GCHFR: variants seen among roughly 807,000 people sequenced by gnomAD.
GCHFR encodes GTP cyclohydrolase I feedback regulator.
Under a neutral mutation model 10.6 loss-of-function variants are expected in GCHFR, and 12 were observed. The ratio of observed to expected loss-of-function variants is 1.13; its 90% CI spans 0.72 to 1.83. The LOEUF is 1.83. Ranked by LOEUF, GCHFR falls within the 40% of genes most tolerant of loss-of-function variation. The probability of loss-of-function intolerance (pLI) is 0.00; values close to 1 mark genes in which losing one functional copy is unlikely to be tolerated. For synonymous variants in GCHFR, 54 were observed against 43.7 expected (o/e 1.24, Z -0.93); for missense variants, 116 against 110.6 (o/e 1.05, Z -0.22).
intron 1 of GCHFR, chr15:40,764,659 C>G (rs1888909792): frequency 6.1e-6 from 1 of 163,990 alleles, no homozygotes; most frequent in Non-Finnish European, 1.3e-5. Context: ...GGTGCCAAGT[C>G]CTTGACCCAT....
chr15:40,764,304 C>T (rs1368373850), intron 1 of GCHFR, 88 bp downstream of exon 1: 2 of 1,237,414 alleles, frequency 1.6e-6, no homozygotes, highest in African/African-American at 1.6e-5. Flanking sequence ...CTGGGCTGCA[C>T]CCACCGGGGA....
chr15:40,767,175 A>C, intron 2 of GCHFR, 51 bp from the exon 3 acceptor site: 1 of 1,444,606 alleles, frequency 6.9e-7, no homozygotes, highest in Non-Finnish European at 9.1e-7. Context: ...GCTTTGTACC[A>C]GGAGCTTGCT....
rs200059682 is a variant in GCHFR at position 40,767,208 on chromosome 15, C to A, written c.132-18C>A. On this transcript the variant is annotated intron_variant, in intron 2 of 2. Transcript: ENST00000260447. ...GCTGTGTGCCCCTCCTCACCCCCCC[C>A]ATCCTGTCTCTTTGCAGTTATGAAT... 2.1e-5 allele frequency: 32 copies of A among 1,488,774 alleles called. No homozygotes were observed. The highest frequency in any genetic ancestry group is 2.4e-5 in the Non-Finnish European group (27 of 1,116,896). The allele number at this position is 1,488,774 out of a possible 1,614,324, so 92.2% of individuals were successfully genotyped here. A position where few individuals can be genotyped will look rare whatever the true frequency, so the allele number is the denominator to read the frequency against.
rs1888903740 is a variant in GCHFR, at chr15:40,764,418, A to C, written c.36+202A>C. The C allele has an allele frequency of 1.4e-5, 7 of 506,928 alleles. No homozygotes were observed. The South Asian group carries it at 1.9e-4, about 14-fold the overall frequency. The allele number at this position is 506,928 out of a possible 1,614,324, so 31.4% of individuals were successfully genotyped here. On this transcript the variant is annotated intron_variant, in intron 1 of 2. Coordinates refer to ENST00000260447, the MANE Select transcript of GCHFR (RefSeq NM_005258.3). ...GACTCAGCGAGCTCTGGCCGGCCTGAAGCCTTTATTGCCGCGAAGGGGCCC... is the reference window on the plus strand; with the variant it reads ...GACTCAGCGAGCTCTGGCCGGCCTGCAGCCTTTATTGCCGCGAAGGGGCCC...
rs984321458 is a variant in GCHFR at position 40,767,566 on chromosome 15, C to T, written c.*217C>T. 9.7e-6 allele frequency: 6 copies of T among 618,116 alleles called. No individual in the cohort carries two copies. The highest frequency in any genetic ancestry group is 1.6e-5 in the Non-Finnish European group (6 of 377,786). 38.3% of individuals were successfully genotyped at this position (618,116 alleles called of 1,614,324 possible). Reference sequence around the variant, plus strand: ...CGGTGCCCTGGTGCTCCCAGCTGCCCTCCTGCTTCGGGCCTGGGCCGAGGG... The same window carrying T: ...CGGTGCCCTGGTGCTCCCAGCTGCCTTCCTGCTTCGGGCCTGGGCCGAGGG... On this transcript the variant is annotated 3_prime_UTR_variant, in exon 3 of 3. Transcript: ENST00000260447.
rs1888977702 is a variant in GCHFR at position 40,767,506 on chromosome 15, A to C, written c.*157A>C. On this transcript the variant is annotated 3_prime_UTR_variant, in exon 3 of 3. Transcript: ENST00000260447. ...AAAGGGCAGTGAATGGCCTTCTCTG[A>C]AACCCTGCGTCAAGCAGTGGGAGAG... 5 of 839,298 alleles carry C rather than the reference A, an allele frequency of 6.0e-6. No homozygotes were observed. Among genetic ancestry groups the C allele is most frequent in the Middle Eastern group, 3.7e-4 (1 of 2,692 alleles). The allele number at this position is 839,298 out of a possible 1,614,324, so 52.0% of individuals were successfully genotyped here. A position where few individuals can be genotyped will look rare whatever the true frequency, so the allele number is the denominator to read the frequency against.
At chr15:40,764,450 G>A (rs999526199) in intron 1 of GCHFR, 1 of 474,130 alleles carries the variant, frequency 2.1e-6, no homozygotes, top group Non-Finnish European at 3.7e-6. Flanking sequence ...GCCCGGGTAC[G>A]TGCGTCCCGG....
chr15:40,767,102 C>T (rs1196028466), intron 2 of GCHFR, 124 bp from the exon 3 acceptor site: 4 of 1,032,552 alleles, frequency 3.9e-6, no homozygotes, highest in Non-Finnish European at 5.3e-6. Context: ...CCCCAGCGCC[C>T]AGCAAGCAGC....
At chr15:40,767,155 G>A in intron 2 of GCHFR, 71 bp from the exon 3 acceptor site, 1 of 1,408,482 alleles carries the variant, frequency 7.1e-7, no homozygotes, top group Non-Finnish European at 9.3e-7. Flanking sequence ...GCTGCCTGCT[G>A]CAGACACTAG....
chr15:40,764,179 C>A lies in GCHFR; in HGVS notation c.-2C>A. 6.4e-7 allele frequency: 1 copy of A among 1,554,470 alleles called. No homozygotes were observed. The highest frequency in any genetic ancestry group is 8.7e-7 in the Non-Finnish European group (1 of 1,150,320). On this transcript the variant is annotated 5_prime_UTR_variant, in exon 1 of 3. Transcript: ENST00000260447. ...TGGGAGCCAGGCCGGGACGCGTGCA[C>A]CATGCCCTACCTGCTCATCAGCACC...
At chr15:40,764,299 C>G (rs1463008460) in intron 1 of GCHFR, 83 bp downstream of exon 1, 2 of 1,269,350 alleles carry the variant, frequency 1.6e-6, no homozygotes, top group Non-Finnish European at 2.1e-6. Context: ...CCCTCCTGGG[C>G]TGCACCCACC....
chr15:40,764,133 C>G lies in GCHFR; in HGVS notation c.-48C>G, dbSNP rs1888896591. ...CCGACGCGAGAAGGGCTGGAGTCGG[C>G]GTCCAGCCTAGAGCCCCCGGTGGGA... On this transcript the variant is annotated 5_prime_UTR_variant, in exon 1 of 3. Coordinates refer to ENST00000260447, the MANE Select transcript of GCHFR (RefSeq NM_005258.3). 16 of 1,512,950 alleles carry G rather than the reference C, an allele frequency of 1.1e-5. No individual in the cohort carries two copies. Among genetic ancestry groups the G allele is most frequent in the Non-Finnish European group, 1.4e-5 (16 of 1,124,710 alleles). The allele number at this position is 1,512,950 out of a possible 1,614,324, so 93.7% of individuals were successfully genotyped here. A position where few individuals can be genotyped will look rare whatever the true frequency, so the allele number is the denominator to read the frequency against.
intron 1 of GCHFR, chr15:40,764,477 G>T (rs1008284897): frequency 4.3e-6 from 2 of 462,782 alleles, no homozygotes; most frequent in Non-Finnish European, 7.7e-6. Context: ...GGCGACCTCC[G>T]GGCGCTTCCG....
intron 1 of GCHFR, chr15:40,765,611 T>G (rs559339337): frequency 2.7e-6 from 1 of 365,800 alleles, no homozygotes; most frequent in African/African-American, 2.1e-5. Context: ...AAAGCTGAGC[T>G]TTAAGGCACT....
In GCHFR at chr15:40,764,146, GC is replaced by G; in HGVS notation, c.-30del. ...GGCTGGAGTCGGCGTCCAGCCTAGA[GC>G]CCCCGGTGGGAGCCAGGCCGGGACG... On this transcript the variant is annotated 5_prime_UTR_variant, in exon 1 of 3. Transcript: ENST00000260447. 3.3e-6 allele frequency: 5 copies of G among 1,537,658 alleles called. No individual in the cohort carries two copies. The highest frequency in any genetic ancestry group is 5.0e-5 in the East Asian group (2 of 39,828).
In GCHFR at chr15:40,764,547, C is replaced by T. The variant is rs548664157; in HGVS notation, c.36+331C>T. 93 of 380,554 alleles carry T rather than the reference C, an allele frequency of 2.4e-4. 1 individual carries two copies. The South Asian group carries it at 4.4e-3, about 18-fold the overall frequency. The allele number at this position is 380,554 out of a possible 1,614,324, so 23.6% of individuals were successfully genotyped here. A position where few individuals can be genotyped will look rare whatever the true frequency, so the allele number is the denominator to read the frequency against. ...GGAGCCCTGGCCTCACGCGCAGCAC[C>T]TAGTGCCCTGCACAGAGCCGCTCCG... On this transcript the variant is annotated intron_variant, in intron 1 of 2. Transcript: ENST00000260447.
At chr15:40,765,777 C>A in intron 1 of GCHFR, 50 bp from the exon 2 acceptor site, 3 of 930,450 alleles carry the variant, frequency 3.2e-6, no homozygotes, top group South Asian at 1.6e-5. Flanking sequence ...GCAAGACCTT[C>A]CACCTCCTCC....
rs35183988 is a variant in GCHFR, at chr15:40,764,202, A to G, written c.22A>G (p.Thr8Ala). Reference sequence around the variant, plus strand: ...CACCATGCCCTACCTGCTCATCAGCACCCAGATCCGCATGGTGAGTACCGG... The same window carrying G: ...CACCATGCCCTACCTGCTCATCAGCGCCCAGATCCGCATGGTGAGTACCGG... Reference protein sequence around the residue: MPYLLISTQIRMEVGPTM... With the variant: MPYLLISAQIRMEVGPTM... The change falls in exon 1 of 3, where the codon ACC becomes GCC. Residue 8 changes from threonine to alanine, a missense_variant. Transcript: ENST00000260447. The G allele has an allele frequency of 6.5e-5, 101 of 1,559,328 alleles. No individual in the cohort carries two copies. The highest frequency in any genetic ancestry group is 8.5e-5 in the Non-Finnish European group (98 of 1,152,732).
intron 1 of GCHFR, 184 bp downstream of exon 1, chr15:40,764,400 C>T (rs1043968005): frequency 2.5e-5 from 12 of 482,894 alleles, no homozygotes; most frequent in African/African-American, 2.0e-4. Flanking sequence ...CGGGACTCAG[C>T]GAGCTCTGGC....
Sources: allele counts gnomAD v4.1 joint callset, GRCh38; gene constraint gnomAD v4.1.1; transcripts MANE v1.5; gene names NCBI Gene and HGNC (gene_info 2026-07-23, HGNC 2026-07-21).